The following USP53 variants were observed in gnomAD, a reference collection of about 807,000 sequenced individuals.
USP53 encodes ubiquitin specific peptidase 53.
In USP53, 71 loss-of-function variants were observed where a neutral mutation model predicts 94.9. The observed-to-expected ratio is 0.75, with a 90% CI of 0.62 to 0.91. The LOEUF (loss-of-function observed/expected upper bound fraction) is 0.91, where lower values mean the gene tolerates loss of function less well. Ranked by LOEUF, USP53 falls within the 40% of genes least tolerant of loss-of-function variation. USP53 has a pLI of 0.00. For synonymous variants in USP53, 375 were observed against 422.7 expected, an observed-to-expected ratio of 0.89 and a Z score of 1.39; for missense variants, 1,173 against 1,281.0, an observed-to-expected ratio of 0.92 and a Z score of 1.29.
chr4:119,245,342 A>G lies in USP53; in HGVS notation c.150A>G (p.Leu50=), dbSNP rs763399936. The change falls in exon 6 of 19, where the codon TTA becomes TTG. Residue 50 remains leucine, a synonymous_variant. Transcript: ENST00000692078. ...SCFLNSAVQV[L]WQLDIFRRSL... The stretch of plus-strand genomic sequence containing the variant: ...AACATCTCCCTGTTTTTTAGGTTTT[A>G]TGGCAATTGGATATATTCCGACGAA... The G allele has an allele frequency of 2.5e-6, 4 of 1,613,262 alleles. No homozygotes were observed. Among genetic ancestry groups the G allele is most frequent in the Non-Finnish European group, 3.4e-6 (4 of 1,179,682 alleles).
At chr4:119,237,416 G>T (rs183690653) in intron 4 of USP53, among the ~76,000 whole-genome samples, 1 of 152,166 alleles carries the variant, frequency 6.6e-6, no homozygotes, top group South Asian at 2.1e-4. Context: ...ATGCATGTTC[G>T]TGGGGAACCT....
At chr4:119,290,967 A>T (rs1374075286) in intron 17 of USP53, among the ~76,000 whole-genome samples, 198 bp from the exon 18 acceptor site, 1 of 152,222 alleles carries the variant, frequency 6.6e-6, no homozygotes, top group Non-Finnish European at 1.5e-5. Context: ...AAACTGAAGA[A>T]ATTTTGCATA....
At chr4:119,213,392 G>A (rs1376607124) in intron 1 of USP53, among the ~76,000 whole-genome samples, 3 of 151,910 alleles carry the variant, frequency 2.0e-5, no homozygotes, top group Admixed American at 1.3e-4. Flanking sequence ...TGGTAGTGGT[G>A]ATGTATATAA....
At chr4:119,215,184 A>G (rs1743546335) in intron 2 of USP53, among the ~76,000 whole-genome samples, 1 of 152,158 alleles carries the variant, frequency 6.6e-6, no homozygotes, top group Admixed American at 6.6e-5. Flanking sequence ...TAAGGAGGGA[A>G]GTATGCTGAT....
chr4:119,243,817 A>G (rs1747867987), intron 5 of USP53, among the ~76,000 whole-genome samples: 1 of 152,142 alleles, frequency 6.6e-6, no homozygotes. Flanking sequence ...TAGGTATAAC[A>G]TTAGTGTGAT....
chr4:119,269,207 C>G (rs1020943254), intron 14 of USP53, among the ~76,000 whole-genome samples: 1 of 152,102 alleles, frequency 6.6e-6, no homozygotes, highest in African/African-American at 2.4e-5. Context: ...TAGTTTTAAG[C>G]CCAGAAATAG....
Position 119,294,980 on chromosome 4 carries a change from C to CATTGTA in USP53, c.*1771_*1776dup, listed in dbSNP as rs1335374574. 2.6e-5 allele frequency: 4 copies of CATTGTA among 151,448 alleles called. No individual in the cohort carries two copies. The highest frequency in any genetic ancestry group is 9.7e-5 in the African/African-American group (4 of 41,292). The allele number at this position is 151,448 out of a possible 1,614,324, so 9.4% of individuals were successfully genotyped here. A position where few individuals can be genotyped will look rare whatever the true frequency, so the allele number is the denominator to read the frequency against. On this transcript the variant is annotated 3_prime_UTR_variant, in exon 19 of 19. Coordinates refer to ENST00000692078, the MANE Select transcript of USP53 (RefSeq NM_001371395.1). ...TACCAAAGTTTTTCTTCTTTTATAA[C>CATTGTA]ATTGTAAGATACTAGAAAAATGGGC... is the stretch of plus-strand genomic sequence containing the variant.
At chr4:119,274,604 A>G (rs1752345606) in intron 17 of USP53, among the ~76,000 whole-genome samples, 1 of 151,308 alleles carries the variant, frequency 6.6e-6, no homozygotes, top group Admixed American at 6.6e-5. Context: ...TCATTTGGGT[A>G]TATACCCAGT....
intron 3 of USP53, among the ~76,000 whole-genome samples, chr4:119,228,572 T>C (rs1343295595): frequency 6.6e-6 from 1 of 152,196 alleles, no homozygotes; most frequent in East Asian, 1.9e-4. Flanking sequence ...GTGGGTGCAC[T>C]GTGGTAGAAT....
chr4:119,226,845 G>C (rs1470707860), intron 3 of USP53, among the ~76,000 whole-genome samples: 2 of 151,970 alleles, frequency 1.3e-5, no homozygotes, highest in African/African-American at 4.8e-5. Context: ...TTTTGTTTTT[G>C]TTTTGAAACA....
intron 16 of USP53, 76 bp from the exon 17 acceptor site, chr4:119,273,556 A>G: frequency 3.9e-6 from 4 of 1,019,916 alleles, no homozygotes; most frequent in Non-Finnish European, 5.5e-6. Flanking sequence ...AATGTTTAAC[A>G]AATGTTGTTT....
At chr4:119,262,801 A>G (rs914450964) in intron 12 of USP53, among the ~76,000 whole-genome samples, 10 of 152,210 alleles carry the variant, frequency 6.6e-5, no homozygotes, top group African/African-American at 2.2e-4. Flanking sequence ...AAAGTAGTGA[A>G]TAGTAGTTCT....
At position 119,259,871 on chromosome 4, in the gene USP53, G is replaced by C. The variant is rs1461478123; in HGVS notation, c.621G>C (p.Met207Ile). 2 of 1,612,578 alleles carry C rather than the reference G, an allele frequency of 1.2e-6. No individual in the cohort carries two copies. The highest frequency in any genetic ancestry group is 4.5e-5 in the East Asian group (2 of 44,722). The change falls in exon 10 of 19, where the codon ATG (methionine) becomes ATC (isoleucine). Residue 207 changes from methionine (M) to isoleucine (I), a missense_variant. Transcript: ENST00000692078. ...GGCATGAACGCTTTAAACCTGAAAT[G>C]TTTGCAGAATTGCTACAAGCAGCAA... ...LERHERFKPE[M>I]FAELLQAANT...
At chr4:119,232,481 G>A (rs1479111298) in intron 3 of USP53, among the ~76,000 whole-genome samples, 1 of 152,002 alleles carries the variant, frequency 6.6e-6, no homozygotes, top group Admixed American at 6.6e-5. Flanking sequence ...CCTTTTTATG[G>A]CTGAATAGTA....
intron 9 of USP53, among the ~76,000 whole-genome samples, chr4:119,259,042 A>G (rs757124902): frequency 6.6e-6 from 1 of 152,138 alleles, no homozygotes; most frequent in African/African-American, 2.4e-5. Flanking sequence ...GCACTTTGAG[A>G]GTCCGAGGTG....
In USP53 at chr4:119,213,660, A is replaced by ATATGTGTGTGTGTGTGTGTGTG; in HGVS notation, c.-941-409_-941-408insATGTGTGTGTGTGTGTGTGTGT. 3.7e-4 allele frequency among the ~76,000 whole-genome samples: 43 copies of ATATGTGTGTGTGTGTGTGTGTG among 117,776 alleles called. 1 individual carries two copies. The highest frequency in any genetic ancestry group is 1.5e-3 in the African/African-American group (42 of 27,786). The allele number at this position is 117,776 out of a possible 152,430, so 77.3% of individuals were successfully genotyped here. A position where few individuals can be genotyped will look rare whatever the true frequency, so the allele number is the denominator to read the frequency against. ...GAAATAGATATATATATATATATATATGTGTGTGTGTGTATGTATGTATGT... is the reference window on the plus strand; with the variant it reads ...GAAATAGATATATATATATATATATATATGTGTGTGTGTGTGTGTGTGTGTGTGTGTGTGTATGTATGTATGT... On this transcript the variant is annotated intron_variant, in intron 1 of 18. Transcript: ENST00000692078.
intron 17 of USP53, among the ~76,000 whole-genome samples, chr4:119,285,804 C>G (rs1754037727): frequency 6.6e-6 from 1 of 151,730 alleles, no homozygotes; most frequent in South Asian, 2.1e-4. Context: ...AACATTTTTT[C>G]TCTAAGAATT....
intron 12 of USP53, among the ~76,000 whole-genome samples, chr4:119,265,959 G>A (rs1056321589): frequency 4.6e-5 from 7 of 152,092 alleles, no homozygotes; most frequent in African/African-American, 1.4e-4. Flanking sequence ...ATTTACCTAT[G>A]TAACTACCAT....
Position 119,212,734 on chromosome 4 carries a change from C to G in USP53, c.-1081C>G. The G allele has an allele frequency of 5.9e-6, 2 of 338,752 alleles. No homozygotes were observed. Among genetic ancestry groups the G allele is most frequent in the Non-Finnish European group, 1.2e-5 (2 of 169,130 alleles). The allele number at this position is 338,752 out of a possible 1,614,324, so 21.0% of individuals were successfully genotyped here. On this transcript the variant is annotated 5_prime_UTR_variant, in exon 1 of 19. Coordinates refer to ENST00000692078, the MANE Select transcript of USP53 (RefSeq NM_001371395.1). ...CTCCAGTTCCCGGTGAGCCTCGGTA[C>G]TGTGGCAGCAGTCAGTGTGTCTGGC...
Sources: gnomAD v4.1 joint callset for allele counts (sites outside exome capture counted in the v4.1 genomes callset) on GRCh38, gnomAD v4.1.1 for gene constraint, MANE v1.5 for transcripts, NCBI Gene and HGNC (gene_info 2026-07-23, HGNC 2026-07-21) for gene names.